PARP8: variants seen among roughly 807,000 people sequenced by gnomAD.
The protein encoded by PARP8 is protein mono-ADP-ribosyltransferase PARP8.
A neutral mutation model predicts 124.1 loss-of-function variants in PARP8; 51 were observed. The observed-to-expected ratio is 0.41, with a 90% CI of 0.33 to 0.52. The LOEUF (loss-of-function observed/expected upper bound fraction) is 0.52. Among genes scored for constraint, PARP8 ranks in the 20% least tolerant of loss-of-function variants. The probability of loss-of-function intolerance (pLI) is 0.21; values close to 1 mark genes in which losing one functional copy is unlikely to be tolerated. For missense variants in PARP8, 860 were observed against 1,018.9 expected, an observed-to-expected ratio of 0.84 and a Z score of 2.12; for synonymous variants, 391 against 361.5, an observed-to-expected ratio of 1.08 and a Z score of -0.93.
At chr5:50,744,536 A>C (rs558716347) in intron 2 of PARP8, among the ~76,000 whole-genome samples, 6 of 152,210 alleles carry the variant, frequency 3.9e-5, no homozygotes, top group Non-Finnish European at 8.8e-5. Context: ...TTTTGTTAGA[A>C]AATTATTGAG....
At chr5:50,723,214 G>A (rs1312972717) in intron 2 of PARP8, among the ~76,000 whole-genome samples, 4 of 152,040 alleles carry the variant, frequency 2.6e-5, no homozygotes, top group African/African-American at 9.7e-5. Flanking sequence ...TTATAATTGT[G>A]TACATCGAAA....
At chr5:50,811,593 G>T (rs146308585) in intron 14 of PARP8, among the ~76,000 whole-genome samples, 8 of 150,874 alleles carry the variant, frequency 5.3e-5, no homozygotes, top group Non-Finnish European at 8.9e-5. Flanking sequence ...TTTCCATTGG[G>T]TGTTTTTTTT....
chr5:50,821,564 G>T (rs1225136411), intron 16 of PARP8, among the ~76,000 whole-genome samples: 1 of 151,956 alleles, frequency 6.6e-6, no homozygotes, highest in Non-Finnish European at 1.5e-5. Flanking sequence ...TTTCTTTTCT[G>T]CATTTTCACT....
At position 50,758,582 on chromosome 5, in the gene PARP8, G is replaced by A. The variant is rs147148743; in HGVS notation, c.185-1061G>A. On this transcript the variant is annotated intron_variant, in intron 3 of 25. Coordinates refer to ENST00000281631, the MANE Select transcript of PARP8 (RefSeq NM_024615.4). The stretch of plus-strand genomic sequence containing the variant: ...ATATCTTTTAATGTGCATTCCCTGC[G>A]CCATAAGAACAACTAATTTCTCCTA... 3.1e-4 allele frequency among the ~76,000 whole-genome samples: 47 copies of A among 152,222 alleles called. No homozygotes were observed. In the East Asian group the frequency reaches 3.1e-3, roughly 10 times the overall value.
intron 2 of PARP8, among the ~76,000 whole-genome samples, chr5:50,695,891 A>G (rs1314564738): frequency 2.0e-5 from 3 of 152,250 alleles, no homozygotes; most frequent in Middle Eastern, 6.8e-3. Flanking sequence ...ATTCTCCTCT[A>G]TGCATTATCT....
At chr5:50,746,763 A>G (rs938567515) in intron 2 of PARP8, among the ~76,000 whole-genome samples, 3 of 152,144 alleles carry the variant, frequency 2.0e-5, no homozygotes, top group African/African-American at 4.8e-5. Flanking sequence ...ACTGGGATTA[A>G]TGGTTTTAAT....
chr5:50,811,367 G>A (rs911144048), intron 14 of PARP8, among the ~76,000 whole-genome samples: 1 of 151,778 alleles, frequency 6.6e-6, no homozygotes, highest in African/African-American at 2.4e-5. Context: ...TTTGTTATTC[G>A]TGATAGGAAA....
rs533810157 is a variant in PARP8, at chr5:50,799,380, G to GTCAAATAA, written c.1575+2148_1575+2149insCAAATAAT. On this transcript the variant is annotated intron_variant, in intron 14 of 25. Transcript: ENST00000281631. Reference sequence around the variant, plus strand: ...CGTTGAAAATTATTTGACTATAGATGTTTTGGTTTATTTCTGGACTCTCAA... The same window carrying GTCAAATAA: ...CGTTGAAAATTATTTGACTATAGATGTCAAATAATTTTGGTTTATTTCTGGACTCTCAA... Among the ~76,000 whole-genome samples the GTCAAATAA allele has an allele frequency of 3.3e-4, 50 of 152,274 alleles. 1 individual carries two copies. The East Asian group carries it at 7.1e-3, about 22-fold the overall frequency.
intron 10 of PARP8, 105 bp from the exon 11 acceptor site, chr5:50,794,102 G>A (rs575659077): frequency 8.1e-7 from 1 of 1,240,050 alleles, no homozygotes; most frequent in South Asian, 1.6e-5. Context: ...TGATTTCTAT[G>A]TGTTTGCATT....
At chr5:50,732,772 C>T (rs1484331851) in intron 2 of PARP8, among the ~76,000 whole-genome samples, 2 of 151,816 alleles carry the variant, frequency 1.3e-5, no homozygotes, top group Non-Finnish European at 2.9e-5. Flanking sequence ...GCACCCACCA[C>T]CACGCTCGGC....
chr5:50,667,322 C>A (rs886902267), intron 1 of PARP8, 136 bp downstream of exon 1: 58 of 934,288 alleles, frequency 6.2e-5, no homozygotes, highest in Non-Finnish European at 8.8e-5. Context: ...GCTGCTGCAA[C>A]GAGCGCGGGA....
intron 2 of PARP8, among the ~76,000 whole-genome samples, chr5:50,720,854 TG>T (rs1288916040): frequency 6.6e-6 from 1 of 151,928 alleles, no homozygotes; most frequent in Non-Finnish European, 1.5e-5. Flanking sequence ...TCTTTGAAAA[TG>T]GGAAAGGGGC....
intron 2 of PARP8, among the ~76,000 whole-genome samples, chr5:50,694,754 C>T (rs1368676957): frequency 6.6e-6 from 1 of 152,174 alleles, no homozygotes; most frequent in South Asian, 2.1e-4. Context: ...CCACAATAGT[C>T]TGTCTGCAAG....
intron 22 of PARP8, among the ~76,000 whole-genome samples, chr5:50,832,521 T>C (rs771312576): frequency 5.3e-5 from 8 of 152,194 alleles, no homozygotes; most frequent in Non-Finnish European, 8.8e-5. Flanking sequence ...AATCAAGTTT[T>C]AAGAATTTTT....
intron 2 of PARP8, among the ~76,000 whole-genome samples, chr5:50,676,712 G>A (rs1750683154): frequency 6.6e-6 from 1 of 152,102 alleles, no homozygotes; most frequent in Non-Finnish European, 1.5e-5. Context: ...TCATTTCTTT[G>A]ATAAATTACA....
intron 6 of PARP8, among the ~76,000 whole-genome samples, chr5:50,762,565 G>T (rs1285561452): frequency 6.6e-6 from 1 of 152,022 alleles, no homozygotes; most frequent in Admixed American, 6.6e-5. Context: ...TAATGGGAGG[G>T]CAATATGTTA....
In PARP8 at chr5:50,822,394, G is replaced by A. The variant is rs1745859451; in HGVS notation, c.1854G>A (p.Met618Ile). The A allele has an allele frequency of 6.2e-7, 1 of 1,605,952 alleles. No individual in the cohort carries two copies. ...ATAGCATAACTTCTATCAGAGAAAT[G>A]ACACAAGTAAGTATGTCATCTGGTC... ...ALDSITSIRE[M>I]TQAPYLEIKK... The change falls in exon 17 of 26, where the codon ATG (methionine) becomes ATA (isoleucine). Residue 618 changes from methionine (M) to isoleucine (I), a missense_variant. By Grantham distance (10) the Met-to-Ile change is conservative. Coordinates refer to ENST00000281631, the MANE Select transcript of PARP8 (RefSeq NM_024615.4).
rs767914684 is a variant in PARP8, at chr5:50,794,981, T to C, written c.992T>C (p.Val331Ala). ...TCSSTVKTDD[V>A]CVTKSHRTFG... is the part of the protein sequence containing the mutation. ...TCCAGCACAGTCAAGACTGATGATG[T>C]GTGTGTCACAAAGTCACACAGGACC... Residue 331 changes from valine to alanine, a missense_variant, in exon 12 of 26, where the codon GTG (valine) becomes GCG (alanine). By Grantham distance (64) the Val-to-Ala change is moderately conservative (BLOSUM62 0). Around this residue, in one of 2 missense-constraint regions of PARP8, gnomAD observed 517 missense variants for 544.2 expected, o/e 0.95. Transcript: ENST00000281631. 8.1e-6 allele frequency: 13 copies of C among 1,614,226 alleles called. No homozygotes were observed. The highest frequency in any genetic ancestry group is 1.1e-5 in the Non-Finnish European group (13 of 1,180,036).
chr5:50,816,007 T>C (rs1745061318), intron 15 of PARP8, among the ~76,000 whole-genome samples: 1 of 151,838 alleles, frequency 6.6e-6, no homozygotes, highest in Non-Finnish European at 1.5e-5. Context: ...TTTTTCCCTC[T>C]TAACCTGACT....
Sources: allele counts gnomAD v4.1 joint callset (sites outside exome capture counted in the v4.1 genomes callset), GRCh38; gene constraint gnomAD v4.1.1; regional missense constraint gnomAD v4.1.1; transcripts MANE v1.5; gene names NCBI Gene and HGNC (gene_info 2026-07-23, HGNC 2026-07-21).